The following NEO1 variants were observed in gnomAD, a reference collection of about 807,000 sequenced individuals.
NEO1 encodes neogenin.
In NEO1, 63 loss-of-function variants were observed where a neutral mutation model predicts 159.7. That is an observed-to-expected ratio of 0.39 (90% CI 0.32 to 0.49). The LOEUF (loss-of-function observed/expected upper bound fraction) is 0.49, where lower values mean the gene tolerates loss of function less well. Ranked by LOEUF, NEO1 falls within the 20% of genes least tolerant of loss-of-function variation. NEO1 has a pLI of 0.85. For missense variants in NEO1, 1,615 were observed against 1,831.0 expected, an observed-to-expected ratio of 0.88 and a Z score of 2.15; for synonymous variants, 633 against 662.0, an observed-to-expected ratio of 0.96 and a Z score of 0.67.
intron 16 of NEO1, among the ~76,000 whole-genome samples, chr15:73,267,676 A>G (rs941882071): frequency 1.3e-5 from 2 of 151,746 alleles, no homozygotes; most frequent in Non-Finnish European, 2.9e-5. Context: ...GCTGAGAATG[A>G]TGGTTTCCAG....
At chr15:73,133,585 A>T (rs1197953955) in intron 4 of NEO1, among the ~76,000 whole-genome samples, 1 of 152,232 alleles carries the variant, frequency 6.6e-6, no homozygotes, top group South Asian at 2.1e-4. Flanking sequence ...TGGTCAAAAA[A>T]TAAAAGTTCT....
chr15:73,178,728 A>G (rs1435695108), intron 7 of NEO1, among the ~76,000 whole-genome samples: 1 of 152,202 alleles, frequency 6.6e-6, no homozygotes, highest in Non-Finnish European at 1.5e-5. Context: ...TCTGTCCTAT[A>G]AAGAAAAACT....
At chr15:73,120,063 G>A (rs964754047) in intron 2 of NEO1, among the ~76,000 whole-genome samples, 1 of 152,088 alleles carries the variant, frequency 6.6e-6, no homozygotes, top group Admixed American at 6.6e-5. Context: ...TTGAACCCTG[G>A]AGGCAGATGT....
At chr15:73,067,472 CAG>C (rs1455658539) in intron 1 of NEO1, among the ~76,000 whole-genome samples, 83 of 147,598 alleles carry the variant, frequency 5.6e-4, no homozygotes, top group African/African-American at 2.0e-3. Context: ...TTTTTTGAGA[CAG>C]AGTCTCGCTG....
At chr15:73,139,366 A>C (rs557197643) in intron 5 of NEO1, among the ~76,000 whole-genome samples, 15 of 152,320 alleles carry the variant, frequency 9.8e-5, no homozygotes, top group Middle Eastern at 3.4e-3. Context: ...CCAGTAATGG[A>C]AACAATCAAC....
At chr15:73,060,133 T>G (rs554054763) in intron 1 of NEO1, among the ~76,000 whole-genome samples, 20 of 152,360 alleles carry the variant, frequency 1.3e-4, no homozygotes, top group African/African-American at 4.8e-4. Flanking sequence ...TAACAAATTA[T>G]AAGTTTCATT....
intron 7 of NEO1, among the ~76,000 whole-genome samples, chr15:73,233,972 A>G (rs981227916): frequency 6.6e-6 from 1 of 152,188 alleles, no homozygotes; most frequent in Non-Finnish European, 1.5e-5. Flanking sequence ...CCAACCTCGC[A>G]TATTAGAAGA....
rs368270791 is a variant in NEO1 at position 73,182,857 on chromosome 15, T to G, written c.1291+4430T>G. 1.3e-4 allele frequency among the ~76,000 whole-genome samples: 20 copies of G among 152,134 alleles called. No individual in the cohort carries two copies. The East Asian group carries it at 3.5e-3, about 26-fold the overall frequency. Reference sequence around the variant, plus strand: ...AAACCATAACAGCAACCAAATAACCTAAATTCCAAAAAGGACAACCCTCCC... The same window carrying G: ...AAACCATAACAGCAACCAAATAACCGAAATTCCAAAAAGGACAACCCTCCC... On this transcript the variant is annotated intron_variant, in intron 7 of 28. Coordinates refer to ENST00000261908, the MANE Select transcript of NEO1 (RefSeq NM_002499.4).
At chr15:73,256,092 ATTT>A (rs1448704361) in intron 13 of NEO1, 1 of 152,154 alleles carries the variant, frequency 6.6e-6, no homozygotes, top group African/African-American at 2.4e-5. Flanking sequence ...CTTTCTTTAT[ATTT>A]TATCTCTCCT....
rs534704481 is a variant in NEO1 at position 73,274,164 on chromosome 15, C to G, written c.3160+159C>G. 8.3e-5 allele frequency among the ~76,000 whole-genome samples: 10 copies of G among 121,138 alleles called. No individual in the cohort carries two copies. In the South Asian group the frequency reaches 2.7e-3, roughly 32 times the overall value. 79.5% of individuals were successfully genotyped at this position (121,138 alleles called of 152,430 possible). A position where few individuals can be genotyped will look rare whatever the true frequency, so the allele number is the denominator to read the frequency against. ...GATTTATCCCAGAATGATTCCTCAC[C>G]TACTCATTGACCAAATCAGTGCTCC... On this transcript the variant is annotated intron_variant, in intron 20 of 28. Transcript: ENST00000261908.
intron 27 of NEO1, among the ~76,000 whole-genome samples, chr15:73,300,620 A>G (rs1287866178): frequency 1.3e-5 from 2 of 152,108 alleles, no homozygotes; most frequent in Non-Finnish European, 2.9e-5. Context: ...AATCCCAGCT[A>G]CTCGGGAGGC....
intron 26 of NEO1, among the ~76,000 whole-genome samples, chr15:73,295,148 A>T (rs2042313807): frequency 3.6e-5 from 5 of 138,468 alleles, no homozygotes; most frequent in African/African-American, 1.1e-4. Flanking sequence ...ATATATGTAA[A>T]AATTTGGCCT....
At chr15:73,246,160 A>C (rs1438526558) in intron 9 of NEO1, among the ~76,000 whole-genome samples, 6 of 152,180 alleles carry the variant, frequency 3.9e-5, no homozygotes, top group Non-Finnish European at 7.3e-5. Context: ...ATATTTATTG[A>C]GTATCCCCTA....
intron 10 of NEO1, 140 bp downstream of exon 10, chr15:73,249,348 C>A: frequency 1.9e-6 from 2 of 1,079,386 alleles, no homozygotes; most frequent in Non-Finnish European, 2.6e-6. Flanking sequence ...GATTCTATTT[C>A]TTTGTACCAA....
intron 11 of NEO1, among the ~76,000 whole-genome samples, chr15:73,252,758 G>A (rs545789408): frequency 6.6e-6 from 1 of 152,264 alleles, no homozygotes; most frequent in African/African-American, 2.4e-5. Context: ...GAGAGGCCGA[G>A]GCAGATGGAT....
At chr15:73,169,382 C>T (rs2034799028) in intron 5 of NEO1, among the ~76,000 whole-genome samples, 1 of 152,070 alleles carries the variant, frequency 6.6e-6, no homozygotes, top group Non-Finnish European at 1.5e-5. Flanking sequence ...CACTTATTTT[C>T]TTATGGTAAT....
chr15:73,057,283 TCTTC>T (rs2067753653), intron 1 of NEO1, among the ~76,000 whole-genome samples: 1 of 152,200 alleles, frequency 6.6e-6, no homozygotes, highest in Admixed American at 6.5e-5. Context: ...ATTGCTGGTT[TCTTC>T]CTTATGAGTT....
rs548612270 is a variant in NEO1 at position 73,161,178 on chromosome 15, C to A, written c.1016-15225C>A. Among the ~76,000 whole-genome samples the A allele has an allele frequency of 4.3e-4, 66 of 152,230 alleles. 1 individual carries two copies. Among genetic ancestry groups the A allele is most frequent in the African/African-American group, 1.3e-3 (55 of 41,554 alleles). On this transcript the variant is annotated intron_variant, in intron 5 of 28. Coordinates refer to ENST00000261908, the MANE Select transcript of NEO1 (RefSeq NM_002499.4). ...TTTGTGTCATACTTAGTCCTCCCTC[C>A]AAGATTATATTTTTTAAAAATCTCA...
At chr15:73,172,440 A>T (rs890818883) in intron 5 of NEO1, among the ~76,000 whole-genome samples, 28 of 152,340 alleles carry the variant, frequency 1.8e-4, no homozygotes, top group African/African-American at 5.8e-4. Context: ...CACATCAAAG[A>T]TATACGTTAA....
Sources: gnomAD v4.1 joint callset for allele counts (sites outside exome capture counted in the v4.1 genomes callset) on GRCh38, gnomAD v4.1.1 for gene constraint, MANE v1.5 for transcripts, NCBI Gene and HGNC (gene_info 2026-07-23, HGNC 2026-07-21) for gene names.